MTIF3: variants seen among roughly 807,000 people sequenced by gnomAD.
MTIF3 encodes mitochondrial translational initiation factor 3, also known as translation initiation factor IF-3, mitochondrial.
A neutral mutation model predicts 20.7 loss-of-function variants in MTIF3; 13 were observed. The ratio of observed to expected loss-of-function variants is 0.63; its 90% CI spans 0.41 to 1.00. The LOEUF (loss-of-function observed/expected upper bound fraction) is 1.00, where lower values mean the gene tolerates loss of function less well. Among genes scored for constraint, MTIF3 ranks in the 50% least tolerant of loss-of-function variants. The probability of loss-of-function intolerance (pLI) is 0.00; values close to 1 mark genes in which losing one functional copy is unlikely to be tolerated. For synonymous variants in MTIF3, 114 were observed against 112.5 expected (o/e 1.01, Z -0.08); for missense variants, 295 against 324.5 (o/e 0.91, Z 0.70).
At chr13:27,436,837 C>T (rs568044112) in intron 4 of MTIF3, among the ~76,000 whole-genome samples, 46 of 150,338 alleles carry the variant, frequency 3.1e-4, no homozygotes, top group African/African-American at 9.3e-4. Flanking sequence ...CTGCAAGCTC[C>T]GCCTCCCGGG....
chr13:27,442,753 C>T (rs1488306235), intron 2 of MTIF3, among the ~76,000 whole-genome samples: 2 of 152,174 alleles, frequency 1.3e-5, no homozygotes, highest in African/African-American at 4.8e-5. Flanking sequence ...ACTCAGCGAG[C>T]CCTTCCCTGA....
rs878905775 is a variant in MTIF3, at chr13:27,440,469, A to G, written c.-1-20T>C. ...GCCATCCTAAGAAAGTAGTAAGAAGAGTTCATTAAAATTCAATCACTTATT... is the reference window on the plus strand; with the variant it reads ...GCCATCCTAAGAAAGTAGTAAGAAGGGTTCATTAAAATTCAATCACTTATT... On this transcript the variant is annotated intron_variant, in intron 2 of 4. Coordinates refer to ENST00000381120, the MANE Select transcript of MTIF3 (RefSeq NM_152912.5). 5 of 1,542,186 alleles carry G rather than the reference A, an allele frequency of 3.2e-6. No individual in the cohort carries two copies. The highest frequency in any genetic ancestry group is 4.4e-6 in the Non-Finnish European group (5 of 1,138,404).
At chr13:27,436,414 A>AG (rs143190464) in intron 4 of MTIF3, among the ~76,000 whole-genome samples, 15,225 of 152,206 alleles carry the variant, frequency 0.1, 1,118 homozygotes, top group Non-Finnish European at 0.15. Context: ...ACTTTTAAAA[A>AG]AAAAAAGCAA....
Position 27,438,483 on chromosome 13 carries a change from GTTT to G in MTIF3, c.461-1213_461-1211del, listed in dbSNP as rs61052475. On this transcript the variant is annotated intron_variant, in intron 3 of 4. Coordinates refer to ENST00000381120, the MANE Select transcript of MTIF3 (RefSeq NM_152912.5). ...CCAGCCTGGGCAACAGAGCAAGACT[GTTT>G]TTTTTTTTTTTTTTTTTTTTTTTAA... Among the ~76,000 whole-genome samples the G allele has an allele frequency of 8.4e-5, 9 of 107,174 alleles. 1 individual carries two copies. The highest frequency in any genetic ancestry group is 8.6e-5 in the Non-Finnish European group (5 of 58,396). The allele number at this position is 107,174 out of a possible 152,430, so 70.3% of individuals were successfully genotyped here.
chr13:27,440,775 C>T (rs1233101044), intron 2 of MTIF3, among the ~76,000 whole-genome samples: 2 of 151,790 alleles, frequency 1.3e-5, no homozygotes, highest in African/African-American at 4.8e-5. Flanking sequence ...TAGTTGACCC[C>T]TGAACAACTT....
At chr13:27,444,233 G>A (rs4771121) in intron 2 of MTIF3, among the ~76,000 whole-genome samples, 35,848 of 152,008 alleles carry the variant, frequency 0.24, 4,341 homozygotes, top group Non-Finnish European at 0.26. Flanking sequence ...GTGAACCCGG[G>A]AGGCGGAGCT....
At chr13:27,438,967 A>G (rs1268770183) in intron 3 of MTIF3, among the ~76,000 whole-genome samples, 1 of 152,210 alleles carries the variant, frequency 6.6e-6, no homozygotes, top group African/African-American at 2.4e-5. Flanking sequence ...TGCTGGGAGC[A>G]GTCATCTGAT....
At chr13:27,446,030 T>C (rs1046891800) in intron 1 of MTIF3, among the ~76,000 whole-genome samples, 8 of 152,100 alleles carry the variant, frequency 5.3e-5, no homozygotes, top group African/African-American at 1.9e-4. Flanking sequence ...AGGTATTAGA[T>C]ACTATTAGAG....
At chr13:27,436,120 C>T (rs772969464) in intron 4 of MTIF3, among the ~76,000 whole-genome samples, 8 of 152,188 alleles carry the variant, frequency 5.3e-5, no homozygotes, top group Non-Finnish European at 8.8e-5. Context: ...ATCTCCACTT[C>T]GTCATGGCAC....
At chr13:27,440,737 T>TC (rs1953978215) in intron 2 of MTIF3, among the ~76,000 whole-genome samples, 3 of 151,840 alleles carry the variant, frequency 2.0e-5, no homozygotes, top group South Asian at 2.1e-4. Flanking sequence ...TTTTTTTTTT[T>TC]CTGTACACAT....
rs974677390 is a variant in MTIF3, at chr13:27,450,544, A to G, written c.-106T>C. On this transcript the variant is annotated 5_prime_UTR_variant, in exon 1 of 5. Coordinates refer to ENST00000381120, the MANE Select transcript of MTIF3 (RefSeq NM_152912.5). ...GCAAGCGATTGACATACTGTAGCGG[A>G]CGCAAGTACAGCGGATCTGCGGCGA... The G allele has an allele frequency of 4.0e-5, 6 of 151,152 alleles. No homozygotes were observed. Among genetic ancestry groups the G allele is most frequent in the African/African-American group, 1.5e-4 (6 of 40,332 alleles). 9.4% of individuals were successfully genotyped at this position (151,152 alleles called of 1,614,324 possible).
In MTIF3 at chr13:27,437,217, C is replaced by T; in HGVS notation, c.517G>A (p.Asp173Asn). Residue 173 changes from aspartate (D) to asparagine (N), a missense_variant, in exon 4 of 5, where the codon GAC becomes AAC. Transcript: ENST00000381120. ...TGCTGAATCTGTTTAGTCTTTGTGT[C>T]CAAATCATGTTGTCCAATATTTGAA... ...LSSNIGQHDL[D>N]TKTKQIQQWI... is the part of the protein sequence containing the mutation. The T allele has an allele frequency of 1.2e-6, 2 of 1,613,978 alleles. No individual in the cohort carries two copies. Among genetic ancestry groups the T allele is most frequent in the South Asian group, 2.2e-5 (2 of 91,068 alleles).
intron 2 of MTIF3, among the ~76,000 whole-genome samples, chr13:27,442,431 A>T (rs770584828): frequency 6.6e-6 from 1 of 152,128 alleles, no homozygotes; most frequent in Non-Finnish European, 1.5e-5. Context: ...CACAGCCTGG[A>T]GTTTATTACT....
At chr13:27,444,044 C>T (rs1466973116) in intron 2 of MTIF3, among the ~76,000 whole-genome samples, 1 of 152,210 alleles carries the variant, frequency 6.6e-6, no homozygotes, top group South Asian at 2.1e-4. Context: ...TGGCTCACGC[C>T]TGTAACCCCA....
Position 27,449,893 on chromosome 13 carries a change from G to T in MTIF3, c.-71+616C>A, listed in dbSNP as rs1006243940. On this transcript the variant is annotated intron_variant, in intron 1 of 4. Coordinates refer to ENST00000381120, the MANE Select transcript of MTIF3 (RefSeq NM_152912.5). ...TCAGTAAGAGAACTTCGTTTACTTG[G>T]TTCAAGTCTTAAGCCACGGAGCCCA... 8 of 152,280 alleles carry T rather than the reference G, an allele frequency of 5.3e-5. No individual in the cohort carries two copies. In the South Asian group the frequency reaches 1.7e-3, roughly 32 times the overall value. 9.4% of individuals were successfully genotyped at this position (152,280 alleles called of 1,614,324 possible).
At chr13:27,444,069 T>C (rs1179886482) in intron 2 of MTIF3, among the ~76,000 whole-genome samples, 5 of 152,052 alleles carry the variant, frequency 3.3e-5, no homozygotes, top group Non-Finnish European at 7.4e-5. Context: ...TTTGGGAGGC[T>C]GAGGTGGGCG....
chr13:27,438,736 T>C (rs1430213105), intron 3 of MTIF3, among the ~76,000 whole-genome samples: 1 of 152,050 alleles, frequency 6.6e-6, no homozygotes, highest in Non-Finnish European at 1.5e-5. Flanking sequence ...GCTCAAGCCA[T>C]CCACCTGCCT....
chr13:27,436,803 G>C (rs1171109355), intron 4 of MTIF3, among the ~76,000 whole-genome samples: 4 of 140,520 alleles, frequency 2.8e-5, no homozygotes, highest in Non-Finnish European at 4.5e-5. Flanking sequence ...CCAGGCTGGA[G>C]TGCAGTGGCG....
At chr13:27,445,697 G>A (rs1345349538) in intron 1 of MTIF3, among the ~76,000 whole-genome samples, 1 of 152,164 alleles carries the variant, frequency 6.6e-6, no homozygotes, top group Non-Finnish European at 1.5e-5. Flanking sequence ...CCACATCTCT[G>A]GATGGGAAGC....
Sources: allele counts gnomAD v4.1 joint callset (sites outside exome capture counted in the v4.1 genomes callset), GRCh38; gene constraint gnomAD v4.1.1; transcripts MANE v1.5; gene names NCBI Gene and HGNC (gene_info 2026-07-23, HGNC 2026-07-21).